Variants in TSHZ2 observed in about 807,000 individuals in gnomAD.
TSHZ2 encodes teashirt zinc finger homeobox 2, also known as teashirt homolog 2.
Under a neutral mutation model 74.4 loss-of-function variants are expected in TSHZ2, and 21 were observed. The observed-to-expected ratio is 0.28, with a 90% confidence interval of 0.20 to 0.41. The LOEUF (loss-of-function observed/expected upper bound fraction) is 0.41, where lower values mean the gene tolerates loss of function less well. Among genes scored for constraint, TSHZ2 ranks in the 10% least tolerant of loss-of-function variants. The probability of loss-of-function intolerance (pLI) is 1.00; values close to 1 mark genes in which losing one functional copy is unlikely to be tolerated. For missense variants in TSHZ2, 1,244 were observed against 1,293.5 expected (o/e 0.96, Z 0.59); for synonymous variants, 540 against 515.3 (o/e 1.05, Z -0.65).
chr20:53,352,777 C>CAA (rs869247919), intron 2 of TSHZ2, among the ~76,000 whole-genome samples: 26 of 65,628 alleles, frequency 4.0e-4, no homozygotes, highest in African/African-American at 7.0e-4. Flanking sequence ...CTGTCTCAAA[C>CAA]AAAAAAAAAA....
chr20:53,370,211 T>C (rs539095093), intron 2 of TSHZ2, among the ~76,000 whole-genome samples: 1 of 152,264 alleles, frequency 6.6e-6, no homozygotes, highest in South Asian at 2.1e-4. Context: ...TAAAGAATCC[T>C]GAGCCGACGA....
chr20:53,266,833 A>G (rs1400562678), intron 2 of TSHZ2, among the ~76,000 whole-genome samples: 1 of 140,180 alleles, frequency 7.1e-6, no homozygotes, highest in African/African-American at 2.7e-5. Flanking sequence ...GCTGGAGTGC[A>G]GTGGCACGAT....
intron 2 of TSHZ2, among the ~76,000 whole-genome samples, chr20:53,460,693 T>C (rs1985323571): frequency 1.3e-5 from 2 of 152,194 alleles, no homozygotes; most frequent in Admixed American, 6.5e-5. Flanking sequence ...CTCCTTTTGG[T>C]CTTTGATGAT....
intron 1 of TSHZ2, among the ~76,000 whole-genome samples, chr20:53,249,499 A>T (rs1990277029): frequency 6.6e-6 from 1 of 152,222 alleles, no homozygotes. Context: ...TTCAGGCAGT[A>T]GGGTGATGTG....
At chr20:53,172,416 T>C (rs551420376) in intron 1 of TSHZ2, among the ~76,000 whole-genome samples, 3 of 152,250 alleles carry the variant, frequency 2.0e-5, no homozygotes, top group Admixed American at 6.5e-5. Context: ...ATTTTTATTT[T>C]TATTTTTTAG....
At chr20:53,204,182 TATG>T (rs1989089369) in intron 1 of TSHZ2, among the ~76,000 whole-genome samples, 3 of 139,152 alleles carry the variant, frequency 2.2e-5, no homozygotes, top group Admixed American at 7.0e-5. Flanking sequence ...CATATGATGA[TATG>T]ATACTATATC....
intron 1 of TSHZ2, among the ~76,000 whole-genome samples, chr20:53,080,800 C>G (rs1425283937): frequency 6.6e-6 from 1 of 152,130 alleles, no homozygotes; most frequent in Non-Finnish European, 1.5e-5. Flanking sequence ...GGGACACCTG[C>G]TTTAGAGTCG....
intron 2 of TSHZ2, among the ~76,000 whole-genome samples, chr20:53,452,377 A>G (rs1002566166): frequency 1.3e-5 from 2 of 152,190 alleles, no homozygotes; most frequent in Non-Finnish European, 2.9e-5. Context: ...AGGCAGGTAA[A>G]TCACTTGAGG....
intron 2 of TSHZ2, among the ~76,000 whole-genome samples, chr20:53,425,583 CAGAG>C (rs1749354798): frequency 6.6e-6 from 1 of 152,218 alleles, no homozygotes; most frequent in Non-Finnish European, 1.5e-5. Flanking sequence ...TGATATAAAA[CAGAG>C]GTAGGCAAAC....
At chr20:53,397,089 C>A (rs1032640009) in intron 2 of TSHZ2, among the ~76,000 whole-genome samples, 12 of 152,034 alleles carry the variant, frequency 7.9e-5, no homozygotes, top group African/African-American at 2.9e-4. Context: ...TCTAAAACAC[C>A]AAAAGCAATG....
chr20:53,044,714 T>C (rs568303661), intron 1 of TSHZ2, among the ~76,000 whole-genome samples: 5 of 152,210 alleles, frequency 3.3e-5, no homozygotes, highest in African/African-American at 1.2e-4. Context: ...GCTTTCTTTC[T>C]TTGTTTGTTT....
Position 53,413,107 on chromosome 20 carries a change from A to G in TSHZ2, c.*9-74037A>G, listed in dbSNP as rs6126832. 2.1e-3 allele frequency among the ~76,000 whole-genome samples: 323 copies of G among 152,290 alleles called. 12 individuals carry two copies. The East Asian group carries it at 0.047, about 22-fold the overall frequency. On this transcript the variant is annotated intron_variant, in intron 2 of 2. Transcript: ENST00000371497. ...ACAGGGAGGGGAAGAGCAGCTGATC[A>G]TGCACGATGTCATCGTGGGTAACTG...
At chr20:53,087,202 A>T (rs1412472452) in intron 1 of TSHZ2, among the ~76,000 whole-genome samples, 1 of 152,136 alleles carries the variant, frequency 6.6e-6, no homozygotes, top group Non-Finnish European at 1.5e-5. Flanking sequence ...AAAAAGGGAA[A>T]TTTTTTTGCC....
chr20:53,295,156 T>G (rs1354289204), intron 2 of TSHZ2, among the ~76,000 whole-genome samples: 1 of 152,220 alleles, frequency 6.6e-6, no homozygotes, highest in African/African-American at 2.4e-5. Context: ...GTTCATGGAT[T>G]GACACTAATT....
intron 2 of TSHZ2, among the ~76,000 whole-genome samples, chr20:53,386,346 C>T (rs1982045212): frequency 6.6e-6 from 1 of 152,206 alleles, no homozygotes; most frequent in African/African-American, 2.4e-5. Context: ...GACTGCTAGT[C>T]ATTAAGGAAA....
intron 1 of TSHZ2, among the ~76,000 whole-genome samples, chr20:53,160,516 T>C (rs988014989): frequency 3.9e-5 from 6 of 152,004 alleles, no homozygotes; most frequent in Middle Eastern, 3.2e-3. Context: ...TGCCTGTAAT[T>C]CCAGCACTTT....
intron 1 of TSHZ2, among the ~76,000 whole-genome samples, chr20:53,234,748 G>A (rs1397126996): frequency 6.6e-6 from 1 of 152,140 alleles, no homozygotes; most frequent in Non-Finnish European, 1.5e-5. Context: ...AGTATGGCTG[G>A]AGCAGAAAAT....
chr20:53,190,121 ATATATATATATATATATT>A (rs1244663014), intron 1 of TSHZ2, among the ~76,000 whole-genome samples: 46 of 86,076 alleles, frequency 5.3e-4, no homozygotes, highest in African/African-American at 1.8e-3. Context: ...ATATATATAT[ATATATATATATATATATT>A]TTCTTAAATG....
intron 1 of TSHZ2, among the ~76,000 whole-genome samples, chr20:53,075,059 A>G (rs1450244827): frequency 6.6e-6 from 1 of 152,228 alleles, no homozygotes; most frequent in Non-Finnish European, 1.5e-5. Context: ...ATTGAATGTC[A>G]TCCAAAGCAT....
Sources: gnomAD v4.1 joint callset for allele counts (sites outside exome capture counted in the v4.1 genomes callset) on GRCh38, gnomAD v4.1.1 for gene constraint, MANE v1.5 for transcripts, NCBI Gene and HGNC (gene_info 2026-07-23, HGNC 2026-07-21) for gene names.